The following ANKS1A variants were observed in gnomAD, a reference collection of about 807,000 sequenced individuals.
The protein encoded by ANKS1A is ankyrin repeat and sterile alpha motif domain containing 1A.
A neutral mutation model predicts 120.3 loss-of-function variants in ANKS1A; 55 were observed. The observed-to-expected ratio is 0.46, with a 90% CI of 0.37 to 0.57. The LOEUF (loss-of-function observed/expected upper bound fraction) is 0.57, where lower values mean the gene tolerates loss of function less well. ANKS1A is among the 20% of genes least tolerant of loss of function. ANKS1A has a pLI of 0.00. For missense variants in ANKS1A, 1,123 were observed against 1,480.3 expected (o/e 0.76, Z 3.96); for synonymous variants, 590 against 604.7 (o/e 0.98, Z 0.36).
Position 34,989,218 on chromosome 6 carries a change from C to T in ANKS1A, c.1210-6C>T. 2 of 1,612,464 alleles carry T rather than the reference C, an allele frequency of 1.2e-6. No individual in the cohort carries two copies. Among genetic ancestry groups the T allele is most frequent in the African/African-American group, 1.3e-5 (1 of 74,870 alleles). On this transcript the variant is annotated splice_region_variant and splice_polypyrimidine_tract_variant and intron_variant, in intron 8 of 23. Transcript: ENST00000360359. ...CGCAAAATATTTATTTTTTTCTCTT[C>T]TGCAGAGGGAACGTCCACCACCTCC...
At chr6:34,950,678 G>A (rs1041068240) in intron 1 of ANKS1A, among the ~76,000 whole-genome samples, 7 of 152,168 alleles carry the variant, frequency 4.6e-5, no homozygotes, top group African/African-American at 1.7e-4. Context: ...ATCAAGGCTA[G>A]GGGGATTCTG....
rs1177058312 is a variant in ANKS1A at position 35,087,147 on chromosome 6, C to T, written c.3401+98C>T. On this transcript the variant is annotated intron_variant, in intron 23 of 23. Transcript: ENST00000360359. Reference sequence around the variant, plus strand: ...TCTTTCTGCTGTCCTCAACTCTCTCCTTCCAGCTGCTGATGCCAAGGCCCC... The same window carrying T: ...TCTTTCTGCTGTCCTCAACTCTCTCTTTCCAGCTGCTGATGCCAAGGCCCC... The T allele has an allele frequency of 8.0e-6, 10 of 1,248,410 alleles. No homozygotes were observed. In the African/African-American group the frequency reaches 1.2e-4, roughly 15 times the overall value. 77.3% of individuals were successfully genotyped at this position (1,248,410 alleles called of 1,614,324 possible).
At chr6:34,912,312 T>TA (rs1767944112) in intron 1 of ANKS1A, among the ~76,000 whole-genome samples, 1 of 152,266 alleles carries the variant, frequency 6.6e-6, no homozygotes. Context: ...TTTTCATTGA[T>TA]ACCTGTGTAG....
intron 10 of ANKS1A, among the ~76,000 whole-genome samples, chr6:35,014,975 C>CT (rs1389078726): frequency 1.3e-5 from 2 of 152,178 alleles, no homozygotes; most frequent in Non-Finnish European, 2.9e-5. Flanking sequence ...CACTGGGTAG[C>CT]TTTGTTCTGG....
chr6:34,918,629 G>A (rs960144542), intron 1 of ANKS1A, among the ~76,000 whole-genome samples: 2 of 152,140 alleles, frequency 1.3e-5, no homozygotes, highest in Admixed American at 6.5e-5. Context: ...CAGAAGTTAC[G>A]ACGTTGAGCA....
chr6:35,081,245 T>C (rs1777657403), intron 17 of ANKS1A, 87 bp downstream of exon 17: 15 of 1,445,752 alleles, frequency 1.0e-5, no homozygotes, highest in Non-Finnish European at 1.3e-5. Context: ...TGCTGCCCCA[T>C]ACTTGAGCAC....
rs1283073366 is a variant in ANKS1A, at chr6:35,083,433, TGAA to T, written c.2930_2932del (p.Lys977del). ...TTCCTGTAGAAATCTACGGAGCACA[TGAA>T]GAAGATCCCCACCATCATCCTGTCC... On this transcript the variant is annotated inframe_deletion, in exon 20 of 24. Transcript: ENST00000360359. 6 of 1,613,858 alleles carry T rather than the reference TGAA, an allele frequency of 3.7e-6. No individual in the cohort carries two copies. The highest frequency in any genetic ancestry group is 5.1e-6 in the Non-Finnish European group (6 of 1,179,984).
chr6:34,924,090 C>CGTATGTGT (rs1768578746), intron 1 of ANKS1A, among the ~76,000 whole-genome samples: 1 of 143,174 alleles, frequency 7.0e-6, no homozygotes, highest in African/African-American at 2.6e-5. Flanking sequence ...GGGGCTTTTT[C>CGTATGTGT]GTGTGTGTGT....
chr6:34,894,942 C>G (rs1766998852), intron 1 of ANKS1A, among the ~76,000 whole-genome samples: 1 of 152,044 alleles, frequency 6.6e-6, no homozygotes, highest in African/African-American at 2.4e-5. Flanking sequence ...TAGATAGTAG[C>G]AATGAATGTG....
intron 11 of ANKS1A, among the ~76,000 whole-genome samples, chr6:35,040,225 C>T (rs1775389340): frequency 6.6e-6 from 1 of 152,210 alleles, no homozygotes; most frequent in African/African-American, 2.4e-5. Context: ...AAGGTTTAGG[C>T]CCTGTATTGC....
At chr6:35,006,525 C>A (rs536661350) in intron 10 of ANKS1A, among the ~76,000 whole-genome samples, 1 of 151,910 alleles carries the variant, frequency 6.6e-6, no homozygotes, top group South Asian at 2.1e-4. Context: ...GAGGCCGAGG[C>A]GGGTGGATCA....
chr6:34,893,289 T>A (rs1312314165), intron 1 of ANKS1A, among the ~76,000 whole-genome samples: 1 of 152,202 alleles, frequency 6.6e-6, no homozygotes, highest in East Asian at 1.9e-4. Context: ...CAAAGTACCA[T>A]GCCAGACACA....
chr6:34,962,272 C>T (rs1770678278), intron 1 of ANKS1A, among the ~76,000 whole-genome samples: 1 of 152,204 alleles, frequency 6.6e-6, no homozygotes, highest in Admixed American at 6.5e-5. Flanking sequence ...TCAGGCTCCT[C>T]ACCTTGTCTT....
chr6:35,055,522 G>C (rs1039017789), intron 12 of ANKS1A, among the ~76,000 whole-genome samples: 1 of 152,178 alleles, frequency 6.6e-6, no homozygotes, highest in Admixed American at 6.5e-5. Flanking sequence ...TAGAGATGGG[G>C]TTTCACCATG....
At chr6:34,944,977 A>ATAGT (rs1769718554) in intron 1 of ANKS1A, among the ~76,000 whole-genome samples, 1 of 152,116 alleles carries the variant, frequency 6.6e-6, no homozygotes, top group Non-Finnish European at 1.5e-5. Context: ...TTGTACCTAA[A>ATAGT]TAGTCATCAT....
intron 9 of ANKS1A, 41 bp from the exon 10 acceptor site, chr6:34,994,261 A>C: frequency 6.2e-7 from 1 of 1,603,100 alleles, no homozygotes; most frequent in Non-Finnish European, 8.5e-7. Context: ...TCTTGGTATT[A>C]GCCACATGCA....
rs188470414 is a variant in ANKS1A, at chr6:34,964,464, G to T, written c.198-2775G>T. On this transcript the variant is annotated intron_variant, in intron 1 of 23. Transcript: ENST00000360359. ...TTCCAGTCACCATCCATTTGCAGCG[G>T]TGTGTATTATACAATGCCTTCTTTC... Among the ~76,000 whole-genome samples, 3 of 152,280 alleles carry T rather than the reference G, an allele frequency of 2.0e-5. No homozygotes were observed. The East Asian group carries it at 5.8e-4, about 29-fold the overall frequency.
At chr6:35,023,111 C>A (rs1203299098) in intron 11 of ANKS1A, among the ~76,000 whole-genome samples, 3 of 152,182 alleles carry the variant, frequency 2.0e-5, no homozygotes, top group African/African-American at 7.2e-5. Context: ...CTGAAAGCCA[C>A]CACTCCTGGG....
chr6:34,954,841 G>C (rs1210302259), intron 1 of ANKS1A, among the ~76,000 whole-genome samples: 1 of 152,078 alleles, frequency 6.6e-6, no homozygotes, highest in Non-Finnish European at 1.5e-5. Flanking sequence ...TCTTCTTCTG[G>C]TGTTTCCTCC....
Sources: allele counts gnomAD v4.1 joint callset (sites outside exome capture counted in the v4.1 genomes callset), GRCh38; gene constraint gnomAD v4.1.1; transcripts MANE v1.5; gene names NCBI Gene and HGNC (gene_info 2026-07-23, HGNC 2026-07-21).